The following FRMPD1 variants were observed in gnomAD, a reference collection of about 807,000 sequenced individuals.
FRMPD1 encodes FERM and PDZ domain containing 1.
Under a neutral mutation model 117.8 loss-of-function variants are expected in FRMPD1, and 76 were observed. The observed-to-expected ratio is 0.65, with a 90% confidence interval of 0.54 to 0.78. The LOEUF (loss-of-function observed/expected upper bound fraction) is 0.78. FRMPD1 is among the 30% of genes least tolerant of loss of function. The pLI, the probability that FRMPD1 is intolerant of heterozygous loss-of-function variation, is 0.00. For synonymous variants in FRMPD1, 783 were observed against 770.4 expected (o/e 1.02, Z -0.27); for missense variants, 1,786 against 1,964.5 (o/e 0.91, Z 1.72).
chr9:37,715,805 AT>A (rs945328796), intron 5 of FRMPD1: 215 of 400,210 alleles, frequency 5.4e-4, no homozygotes, highest in South Asian at 7.5e-4. Context: ...TCATGTCAGC[AT>A]TTTTTTTTCC....
chr9:37,700,084 G>A (rs1269344382), intron 2 of FRMPD1, among the ~76,000 whole-genome samples: 1 of 152,104 alleles, frequency 6.6e-6, no homozygotes, highest in Non-Finnish European at 1.5e-5. Flanking sequence ...TACTATTAAT[G>A]GTGTAGAAAG....
intron 15 of FRMPD1, among the ~76,000 whole-genome samples, chr9:37,743,433 GAA>G (rs1824515754): frequency 6.9e-6 from 1 of 143,944 alleles, no homozygotes; most frequent in African/African-American, 2.5e-5. Flanking sequence ...CCTGGGTTCA[GAA>G]ATAGACAGCA....
intron 14 of FRMPD1, among the ~76,000 whole-genome samples, chr9:37,737,533 T>G (rs566195561): frequency 6.6e-6 from 1 of 152,256 alleles, no homozygotes; most frequent in Non-Finnish European, 1.5e-5. Flanking sequence ...CATTTTATCA[T>G]TATTTCTCAG....
chr9:37,684,297 C>T (rs1821844858), intron 1 of FRMPD1, among the ~76,000 whole-genome samples: 1 of 152,246 alleles, frequency 6.6e-6, no homozygotes, highest in Non-Finnish European at 1.5e-5. Context: ...GGTGACTTAA[C>T]TTCTTCATGC....
At position 37,745,062 on chromosome 9, in the gene FRMPD1, C is replaced by G. The variant is rs764787628; in HGVS notation, c.3030C>G (p.Asp1010Glu). Reference sequence around the variant, plus strand: ...AAGAACCAACCATAGAGCATGGAGACAGCTCCTTCTCCCTCTCCAGTGGTG... The same window carrying G: ...AAGAACCAACCATAGAGCATGGAGAGAGCTCCTTCTCCCTCTCCAGTGGTG... ...APKEPTIEHG[D>E]SSFSLSSGDP... The change falls in exon 16 of 16, where the codon GAC (aspartate) becomes GAG (glutamate). Residue 1010 changes from aspartate (D) to glutamate (E), a missense_variant. Asp to Glu is a conservative substitution (Grantham distance 45). Transcript: ENST00000377765. The G allele has an allele frequency of 1.9e-6, 3 of 1,614,070 alleles. No individual in the cohort carries two copies. Among genetic ancestry groups the G allele is most frequent in the Admixed American group, 3.3e-5 (2 of 60,028 alleles).
intron 1 of FRMPD1, among the ~76,000 whole-genome samples, chr9:37,685,434 G>C (rs1052155128): frequency 2.0e-4 from 30 of 151,962 alleles, no homozygotes; most frequent in Non-Finnish European, 2.9e-4. Context: ...ACAAAGTCAG[G>C]AGATCGAGAC....
intron 9 of FRMPD1, 48 bp from the exon 10 acceptor site, chr9:37,732,256 C>G: frequency 6.2e-7 from 1 of 1,602,150 alleles, no homozygotes; most frequent in Non-Finnish European, 8.5e-7. Context: ...CGAGGGGACA[C>G]AGTATGTCTG....
At chr9:37,687,356 A>G (rs1229136376) in intron 1 of FRMPD1, among the ~76,000 whole-genome samples, 2 of 152,192 alleles carry the variant, frequency 1.3e-5, no homozygotes. Context: ...TTTTTATTTA[A>G]TAAACATTCT....
intron 4 of FRMPD1, 90 bp downstream of exon 4, chr9:37,708,591 T>C (rs1822799501): frequency 2.5e-6 from 2 of 803,356 alleles, no homozygotes; most frequent in Non-Finnish European, 4.3e-6. Context: ...GATCCCCTGA[T>C]TTTAATAAGG....
intron 7 of FRMPD1, among the ~76,000 whole-genome samples, chr9:37,728,962 CAAAA>C (rs34287255): frequency 9.1e-6 from 1 of 109,592 alleles, no homozygotes; most frequent in Non-Finnish European, 1.9e-5. Flanking sequence ...GATTCCGTCT[CAAAA>C]AAAAAAAAAA....
chr9:37,614,261 C>G, the FRMPD1 span, among the ~76,000 whole-genome samples: 6 of 152,096 alleles, frequency 3.9e-5, no homozygotes, highest in African/African-American at 1.4e-4. Context: ...AAAGATTATT[C>G]TAGGCAGAAA....
chr9:37,716,226 C>G (rs1823112786), intron 5 of FRMPD1, among the ~76,000 whole-genome samples: 1 of 152,194 alleles, frequency 6.6e-6, no homozygotes, highest in Non-Finnish European at 1.5e-5. Flanking sequence ...CAACTAAATA[C>G]TGAGCTGGTT....
chr9:37,623,192 CTGTG>C, the FRMPD1 span, among the ~76,000 whole-genome samples: 1 of 152,192 alleles, frequency 6.6e-6, no homozygotes, highest in Non-Finnish European at 1.5e-5. Flanking sequence ...TTCGTGGAAG[CTGTG>C]TGTGCTGAGA....
At position 37,744,798 on chromosome 9, in the gene FRMPD1, G is replaced by A. The variant is rs1235373762; in HGVS notation, c.2766G>A (p.Glu922=). The A allele has an allele frequency of 6.8e-6, 11 of 1,614,100 alleles. No individual in the cohort carries two copies. Among genetic ancestry groups the A allele is most frequent in the South Asian group, 1.1e-5 (1 of 91,092 alleles). The change falls in exon 16 of 16, where the codon GAG becomes GAA. Residue 922 remains glutamate (E), a synonymous_variant. Coordinates refer to ENST00000377765, the MANE Select transcript of FRMPD1 (RefSeq NM_014907.3). ...CAAACCCAGCCTCCAGGGTCATGGA[G>A]ATGGAGCCCGAGACCATGGAAACCA... ...KSTNPASRVM[E]MEPETMETKS...
At chr9:37,696,075 T>TTTTTA (rs752862883) in intron 2 of FRMPD1, among the ~76,000 whole-genome samples, 2 of 120,638 alleles carry the variant, frequency 1.7e-5, no homozygotes, top group African/African-American at 2.9e-5. Context: ...TTTTTTTTTT[T>TTTTTA]AATATCTAGA....
chr9:37,674,727 G>A (rs1489783655), intron 1 of FRMPD1, among the ~76,000 whole-genome samples: 5 of 152,208 alleles, frequency 3.3e-5, no homozygotes, highest in African/African-American at 1.2e-4. Flanking sequence ...TGAGGAAGAA[G>A]CAAAAGTGGA....
the FRMPD1 span, among the ~76,000 whole-genome samples, chr9:37,631,689 G>A: frequency 1.3e-5 from 2 of 152,010 alleles, no homozygotes; most frequent in African/African-American, 2.4e-5. Context: ...CTGCAGCCTC[G>A]ACCTCCTGGG....
chr9:37,740,598 C>A lies in FRMPD1; in HGVS notation c.2070C>A (p.Ser690Arg), dbSNP rs766777202. The change falls in exon 15 of 16, where the codon AGC becomes AGA. Residue 690 changes from serine (S) to arginine (R), a missense_variant. Ser to Arg is a moderately radical substitution (Grantham distance 110). Coordinates refer to ENST00000377765, the MANE Select transcript of FRMPD1 (RefSeq NM_014907.3). This position sits in a 1 kb window ranked among gnomAD's most constrained non-coding sequence, Gnocchi z 4.2. ...LETFGWAPEL[S>R]TVRLDPRLYE... ...CATTTGGCTGGGCACCAGAACTGAG[C>A]ACAGTCAGGCTGGACCCCAGGCTGT... 4 of 1,614,076 alleles carry A rather than the reference C, an allele frequency of 2.5e-6. No individual in the cohort carries two copies. The African/African-American group carries it at 5.3e-5, about 22-fold the overall frequency.
At chr9:37,633,982 C>T in the FRMPD1 span, among the ~76,000 whole-genome samples, 1 of 152,170 alleles carries the variant, frequency 6.6e-6, no homozygotes, top group Non-Finnish European at 1.5e-5. Flanking sequence ...AGTCTCCTGC[C>T]CCATCTCTCT....
Sources: allele counts gnomAD v4.1 joint callset (sites outside exome capture counted in the v4.1 genomes callset), GRCh38; gene constraint gnomAD v4.1.1; non-coding constraint Gnocchi (gnomAD v3.1); transcripts MANE v1.5; gene names NCBI Gene and HGNC (gene_info 2026-07-23, HGNC 2026-07-21).